The following TEX14 variants were observed in gnomAD, a reference collection of about 807,000 sequenced individuals.
TEX14 encodes testis expressed 14, intercellular bridge forming factor.
TEX14 carries 168 observed loss-of-function variants against 178.6 expected under a neutral mutation model. That is an observed-to-expected ratio of 0.94 (90% CI 0.83 to 1.07). The LOEUF (loss-of-function observed/expected upper bound fraction) is 1.07, where lower values mean the gene tolerates loss of function less well. Ranked by LOEUF, TEX14 falls within the 50% of genes least tolerant of loss-of-function variation. The probability of loss-of-function intolerance (pLI) is 0.00; values close to 1 mark genes in which losing one functional copy is unlikely to be tolerated. For synonymous variants in TEX14, 626 were observed against 634.1 expected (o/e 0.99, Z 0.19); for missense variants, 1,730 against 1,753.6 (o/e 0.99, Z 0.24).
intron 1 of TEX14, chr17:58,679,530 G>A (rs1179523748): frequency 6.6e-6 from 1 of 152,146 alleles, no homozygotes; most frequent in Non-Finnish European, 1.5e-5. Flanking sequence ...CCAGATCAGG[G>A]GAGAGAACCA....
chr17:58,567,303 T>C (rs562660700), intron 26 of TEX14, among the ~76,000 whole-genome samples: 1 of 152,266 alleles, frequency 6.6e-6, no homozygotes, highest in South Asian at 2.1e-4. Context: ...GGAGGCAGCA[T>C]AGACAAGCCA....
chr17:58,673,493 A>AAAT (rs2047337852), intron 1 of TEX14, among the ~76,000 whole-genome samples: 1 of 148,076 alleles, frequency 6.8e-6, no homozygotes, highest in Non-Finnish European at 1.5e-5. Flanking sequence ...AAAAATAAAT[A>AAAT]AATAAATAAA....
intron 10 of TEX14, among the ~76,000 whole-genome samples, chr17:58,607,348 G>A (rs2045633310): frequency 6.6e-6 from 1 of 152,106 alleles, no homozygotes; most frequent in Non-Finnish European, 1.5e-5. Context: ...CACTTGGCCA[G>A]TTGTTGACCC....
At chr17:58,632,070 GCTCCTTTC>G (rs2046333067) in intron 2 of TEX14, among the ~76,000 whole-genome samples, 1 of 152,188 alleles carries the variant, frequency 6.6e-6, no homozygotes, top group Admixed American at 6.5e-5. Flanking sequence ...ATCACTCAGA[GCTCCTTTC>G]TAACCCCGCC....
Position 58,630,435 on chromosome 17 carries a change from C to T in TEX14, c.251+5G>A. ...TTTTCTAGACATCAATATTATTGTACTTACTGATTTGGATCTGATCCATAA... is the reference window on the plus strand; with the variant it reads ...TTTTCTAGACATCAATATTATTGTATTTACTGATTTGGATCTGATCCATAA... On this transcript the variant is annotated splice_donor_5th_base_variant and intron_variant, in intron 3 of 31. Coordinates refer to ENST00000349033, the MANE Select transcript of TEX14 (RefSeq NM_031272.5). The T allele has an allele frequency of 3.2e-6, 5 of 1,584,888 alleles. No homozygotes were observed. Among genetic ancestry groups the T allele is most frequent in the Non-Finnish European group, 4.3e-6 (5 of 1,153,388 alleles).
Position 58,621,723 on chromosome 17 carries a change from C to T in TEX14, c.481G>A (p.Asp161Asn), listed in dbSNP as rs150091009. 112 of 1,614,016 alleles carry T rather than the reference C, an allele frequency of 6.9e-5. No individual in the cohort carries two copies. The highest frequency in any genetic ancestry group is 1.3e-5 in the African/African-American group (1 of 74,924). ...GGGGAGTCTATCTTCTTCAGGAGGTCGTAAGAGAAGCCCTGGATGATGGCC... is the reference window on the plus strand; with the variant it reads ...GGGGAGTCTATCTTCTTCAGGAGGTTGTAAGAGAAGCCCTGGATGATGGCC... ...MQAIIQGFSY[D>N]LLKKIDSPQR... is the part of the protein sequence containing the mutation. The change falls in exon 5 of 32, where the codon GAC becomes AAC. Residue 161 changes from aspartate (D) to asparagine (N), a missense_variant. This residue lies in a region of TEX14 where 789 missense variants were observed against 681.2 expected (regional missense o/e 1.16). Coordinates refer to ENST00000349033, the MANE Select transcript of TEX14 (RefSeq NM_031272.5).
chr17:58,674,988 A>T (rs1461180585), intron 1 of TEX14, among the ~76,000 whole-genome samples: 1 of 151,830 alleles, frequency 6.6e-6, no homozygotes, highest in Non-Finnish European at 1.5e-5. Flanking sequence ...TCTACAAAAA[A>T]CACAAAAATT....
intron 3 of TEX14, among the ~76,000 whole-genome samples, chr17:58,623,870 GAAGAT>G (rs893454332): frequency 6.6e-6 from 1 of 151,896 alleles, no homozygotes; most frequent in Non-Finnish European, 1.5e-5. Context: ...ATGATGAAGA[GAAGAT>G]AAGAAAAAAG....
At chr17:58,681,661 C>T (rs140868202) in intron 1 of TEX14, among the ~76,000 whole-genome samples, 1 of 152,100 alleles carries the variant, frequency 6.6e-6, no homozygotes, top group African/African-American at 2.4e-5. Flanking sequence ...ACCAGCCTGG[C>T]AAACATGGTG....
chr17:58,644,489 C>T (rs542368841), intron 2 of TEX14, among the ~76,000 whole-genome samples: 7 of 152,068 alleles, frequency 4.6e-5, no homozygotes, highest in African/African-American at 1.7e-4. Flanking sequence ...CATGCCACCA[C>T]GCCTAGCTAG....
rs770276375 is a variant in TEX14, at chr17:58,572,118, A to C, written c.3520T>G (p.Ser1174Ala). 6.2e-6 allele frequency: 10 copies of C among 1,605,516 alleles called. No homozygotes were observed. Among genetic ancestry groups the C allele is most frequent in the Non-Finnish European group, 8.5e-6 (10 of 1,172,840 alleles). ...VSTPLSPGSV[S>A]SAASQYKDCL... ...TCTTTATACTGACTGGCAGCTGAAG[A>C]AACGGACCCTGTTGGAGAAAAGCGG... Residue 1174 changes from serine to alanine, a missense_variant, in exon 24 of 32, where the codon TCT becomes GCT. Physicochemically the swap from Ser to Ala is moderately conservative, Grantham distance 99. Transcript: ENST00000349033.
chr17:58,584,059 CA>C (rs1353401219), intron 19 of TEX14, among the ~76,000 whole-genome samples: 2 of 152,306 alleles, frequency 1.3e-5, no homozygotes, highest in Non-Finnish European at 2.9e-5. Flanking sequence ...GTGCAGTTGT[CA>C]GGCACAAACA....
At chr17:58,609,782 A>G (rs1192251427) in intron 10 of TEX14, among the ~76,000 whole-genome samples, 1 of 152,216 alleles carries the variant, frequency 6.6e-6, no homozygotes, top group African/African-American at 2.4e-5. Flanking sequence ...TGCTGAGTGC[A>G]CATACGCAAA....
chr17:58,687,581 C>A (rs1598441810), intron 1 of TEX14, among the ~76,000 whole-genome samples: 1 of 152,040 alleles, frequency 6.6e-6, no homozygotes, highest in African/African-American at 2.4e-5. Flanking sequence ...GATCCACCCA[C>A]CTAAGCCTCC....
chr17:58,660,876 T>C (rs1440185587), intron 1 of TEX14: 2 of 800,224 alleles, frequency 2.5e-6, no homozygotes, highest in South Asian at 1.3e-5. Context: ...AAGGGTTTCA[T>C]TGGAGGCCTC....
intron 13 of TEX14, among the ~76,000 whole-genome samples, chr17:58,601,511 G>T (rs150820068): frequency 4.2e-4 from 61 of 146,284 alleles, no homozygotes; most frequent in African/African-American, 1.5e-3. Context: ...AACAGAGCAA[G>T]ATTCCATCTC....
At chr17:58,662,988 G>A (rs1386356886) in intron 1 of TEX14, among the ~76,000 whole-genome samples, 7 of 151,804 alleles carry the variant, frequency 4.6e-5, no homozygotes, top group African/African-American at 1.7e-4. Flanking sequence ...GGCACCTGTA[G>A]TCCCAGCCAC....
rs1481646994 is a variant in TEX14 at position 58,621,765 on chromosome 17, A to C, written c.439T>G (p.Cys147Gly). Residue 147 changes from cysteine (C) to glycine (G), a missense_variant, in exon 5 of 32, where the codon TGT becomes GGT. Around this residue, in one of 2 missense-constraint regions of TEX14, gnomAD observed 789 missense variants for 681.2 expected, o/e 1.16. Coordinates refer to ENST00000349033, the MANE Select transcript of TEX14 (RefSeq NM_031272.5). ...STQIVEFMQRCASHMQAIIQG... is the reference protein window; with the variant it reads ...STQIVEFMQRGASHMQAIIQG... ...ATGATGGCCTGCATGTGTGAGGCAC[A>C]GCGCTGCATGAACTCCACTATCTGC... The C allele has an allele frequency of 6.2e-7, 1 of 1,614,008 alleles. No homozygotes were observed. The highest frequency in any genetic ancestry group is 8.5e-7 in the Non-Finnish European group (1 of 1,179,912).
At chr17:58,608,243 C>G (rs1598382118) in intron 10 of TEX14, among the ~76,000 whole-genome samples, 1 of 152,118 alleles carries the variant, frequency 6.6e-6, no homozygotes, top group African/African-American at 2.4e-5. Context: ...TGGTGAAACC[C>G]CATCTCTACT....
Sources: allele counts gnomAD v4.1 joint callset (sites outside exome capture counted in the v4.1 genomes callset), GRCh38; gene constraint gnomAD v4.1.1; regional missense constraint gnomAD v4.1.1; transcripts MANE v1.5; gene names NCBI Gene and HGNC (gene_info 2026-07-23, HGNC 2026-07-21).